SIK3: variants seen among roughly 807,000 people sequenced by gnomAD.
The protein encoded by SIK3 is serine/threonine-protein kinase SIK3.
Under a neutral mutation model 144.2 loss-of-function variants are expected in SIK3, and 28 were observed. The ratio of observed to expected loss-of-function variants is 0.19; its 90% CI spans 0.14 to 0.27. The LOEUF is 0.27. Ranked by LOEUF, SIK3 falls within the 10% of genes least tolerant of loss-of-function variation. The pLI, the probability that SIK3 is intolerant of heterozygous loss-of-function variation, is 1.00. For synonymous variants in SIK3, 686 were observed against 676.3 expected, an observed-to-expected ratio of 1.01 and a Z score of -0.22; for missense variants, 1,319 against 1,776.0, an observed-to-expected ratio of 0.74 and a Z score of 4.62.
Position 116,867,651 on chromosome 11 carries a change from G to C in SIK3, c.1952+295C>G, listed in dbSNP as rs185072019. On this transcript the variant is annotated intron_variant, in intron 15 of 24. Transcript: ENST00000445177. The surrounding 1 kb of genome is among the most constrained non-coding windows in gnomAD (Gnocchi z 4.1). The stretch of plus-strand genomic sequence containing the variant: ...TTCTGAGAGTTTCACTTTCTTGCAG[G>C]TCTCAAGTTCAATTTTATCTATGAA... 1.5e-4 allele frequency: 42 copies of C among 276,828 alleles called. No homozygotes were observed. The highest frequency in any genetic ancestry group is 2.3e-4 in the Non-Finnish European group (34 of 149,484). The allele number at this position is 276,828 out of a possible 1,614,324, so 17.1% of individuals were successfully genotyped here.
intron 1 of SIK3, among the ~76,000 whole-genome samples, chr11:117,066,430 G>A (rs117518542): frequency 0.025 from 3,737 of 148,208 alleles, 85 homozygotes; most frequent in South Asian, 0.11. Context: ...CCATGGAATC[G>A]GAAAAAAAAA....
chr11:116,978,318 A>G (rs1264451467), intron 1 of SIK3, among the ~76,000 whole-genome samples: 9 of 152,180 alleles, frequency 5.9e-5, no homozygotes, highest in Non-Finnish European at 4.4e-5. Context: ...TTATTGTAAA[A>G]TATGTCATAT....
At chr11:116,996,260 A>T (rs1950662652) in intron 1 of SIK3, among the ~76,000 whole-genome samples, 1 of 152,120 alleles carries the variant, frequency 6.6e-6, no homozygotes, top group African/African-American at 2.4e-5. Context: ...ATGAGCCGAG[A>T]TTGTGCCACT....
At chr11:116,969,289 CAAAAAAAAAAAA>C (rs60102923) in intron 1 of SIK3, among the ~76,000 whole-genome samples, 5 of 73,576 alleles carry the variant, frequency 6.8e-5, no homozygotes, top group Non-Finnish European at 1.3e-4. Context: ...GACTCCGTCT[CAAAAAAAAAAAA>C]AAAAAAAAAA....
At chr11:116,990,964 G>T (rs1950480464) in intron 1 of SIK3, among the ~76,000 whole-genome samples, 2 of 152,294 alleles carry the variant, frequency 1.3e-5, no homozygotes, top group South Asian at 4.1e-4. Context: ...TTTACAGTGT[G>T]TCAAGAGCTG....
At chr11:116,928,722 C>T (rs1261608922) in intron 3 of SIK3, among the ~76,000 whole-genome samples, 1 of 152,188 alleles carries the variant, frequency 6.6e-6, no homozygotes, top group African/African-American at 2.4e-5. Flanking sequence ...ATTCAAACTG[C>T]ATTCTGACCA....
intron 4 of SIK3, among the ~76,000 whole-genome samples, chr11:116,907,148 A>G (rs547206125): frequency 7.0e-4 from 106 of 152,328 alleles, no homozygotes; most frequent in African/African-American, 2.5e-3. Flanking sequence ...CATTGAGATG[A>G]GCATTATTTT....
chr11:117,001,747 T>C (rs1360633641), intron 1 of SIK3, among the ~76,000 whole-genome samples: 2 of 152,144 alleles, frequency 1.3e-5, no homozygotes, highest in Admixed American at 6.5e-5. Context: ...TGAACCACTG[T>C]ACCTGGCCTA....
chr11:116,901,131 C>T (rs1445639210), intron 4 of SIK3, among the ~76,000 whole-genome samples: 1 of 152,228 alleles, frequency 6.6e-6, no homozygotes, highest in African/African-American at 2.4e-5. Context: ...TCCCAAAGTG[C>T]TGGGATTACA....
chr11:117,031,801 C>G (rs1372637836), intron 1 of SIK3, among the ~76,000 whole-genome samples: 1 of 150,804 alleles, frequency 6.6e-6, no homozygotes, highest in Non-Finnish European at 1.5e-5. Flanking sequence ...CTAGGCCTCC[C>G]AAAGTGCTGG....
intron 1 of SIK3, among the ~76,000 whole-genome samples, chr11:116,986,155 A>T (rs1950320585): frequency 6.6e-6 from 1 of 152,128 alleles, no homozygotes; most frequent in Non-Finnish European, 1.5e-5. Flanking sequence ...TAAAAATTAT[A>T]CTCTAAACTT....
chr11:116,979,984 T>A (rs1950084413), intron 1 of SIK3, among the ~76,000 whole-genome samples: 1 of 152,220 alleles, frequency 6.6e-6, no homozygotes, highest in South Asian at 2.1e-4. Context: ...ATATGTTCCA[T>A]CTCTTCTTTC....
chr11:116,863,615 C>T lies in SIK3; in HGVS notation c.2103+53G>A. On this transcript the variant is annotated intron_variant, in intron 16 of 24. Transcript: ENST00000445177. ...TTACCACCCCAGTCCTCCTGCAATC[C>T]TGGCCTCTGTCACCCATGCTCCTCC... is the stretch of plus-strand genomic sequence containing the variant. 1.9e-6 allele frequency: 3 copies of T among 1,611,594 alleles called. No homozygotes were observed. The East Asian group carries it at 6.7e-5, about 36-fold the overall frequency.
At chr11:116,958,830 A>G (rs1188324530) in intron 1 of SIK3, among the ~76,000 whole-genome samples, 1 of 152,056 alleles carries the variant, frequency 6.6e-6, no homozygotes, top group Non-Finnish European at 1.5e-5. Flanking sequence ...CACATACAAG[A>G]CCTTAACTCC....
At chr11:116,883,036 A>G (rs562038394) in intron 6 of SIK3, among the ~76,000 whole-genome samples, 2 of 152,366 alleles carry the variant, frequency 1.3e-5, no homozygotes, top group South Asian at 2.1e-4. Context: ...GATGCTATGC[A>G]ATACACTGCT....
intron 1 of SIK3, among the ~76,000 whole-genome samples, chr11:117,082,995 C>G (rs781311836): frequency 6.6e-6 from 1 of 152,070 alleles, no homozygotes; most frequent in African/African-American, 2.4e-5. Flanking sequence ...CTATTCTTAT[C>G]CTGGTATCAG....
chr11:116,886,956 G>C (rs1944853320), intron 6 of SIK3, among the ~76,000 whole-genome samples: 1 of 152,130 alleles, frequency 6.6e-6, no homozygotes, highest in African/African-American at 2.4e-5. Flanking sequence ...TGCTCTTTGG[G>C]ATGCTCTGAG....
chr11:116,919,439 G>A (rs1303807410), intron 4 of SIK3, among the ~76,000 whole-genome samples: 1 of 152,044 alleles, frequency 6.6e-6, no homozygotes, highest in East Asian at 1.9e-4. Context: ...TCTACTGATT[G>A]CCAACTAAAA....
At position 116,849,670 on chromosome 11, in the gene SIK3, C is replaced by G. The variant is rs1025413392; in HGVS notation, c.3656-387G>C. On this transcript the variant is annotated intron_variant, in intron 21 of 24. Transcript: ENST00000445177. The surrounding 1 kb of genome is among the most constrained non-coding windows in gnomAD (Gnocchi z 4.2). ...CATCTGTTCTGTGGCTGGCTGCGTCCTCTCTCCTCCCCCGGTGACCTCAGT... is the reference window on the plus strand; with the variant it reads ...CATCTGTTCTGTGGCTGGCTGCGTCGTCTCTCCTCCCCCGGTGACCTCAGT... 6.6e-6 allele frequency among the ~76,000 whole-genome samples: 1 copy of G among 152,052 alleles called. No individual in the cohort carries two copies. Among genetic ancestry groups the G allele is most frequent in the African/African-American group, 2.4e-5 (1 of 41,372 alleles).
Sources: gnomAD v4.1 joint callset for allele counts (sites outside exome capture counted in the v4.1 genomes callset) on GRCh38, gnomAD v4.1.1 for gene constraint, Gnocchi (gnomAD v3.1) non-coding constraint, MANE v1.5 for transcripts, NCBI Gene and HGNC (gene_info 2026-07-23, HGNC 2026-07-21) for gene names.